Variants in PDE3B observed in about 807,000 individuals in gnomAD.
The protein encoded by PDE3B is cGMP-inhibited 3',5'-cyclic phosphodiesterase 3B.
In PDE3B, 66 loss-of-function variants were observed where a neutral mutation model predicts 116.8. The observed-to-expected ratio is 0.56, with a 90% CI of 0.46 to 0.69. PDE3B has a LOEUF of 0.69. Among genes scored for constraint, PDE3B ranks in the 30% least tolerant of loss-of-function variants. PDE3B has a pLI of 0.00. For missense variants in PDE3B, 1,384 were observed against 1,368.1 expected (o/e 1.01, Z -0.18); for synonymous variants, 595 against 533.6 (o/e 1.12, Z -1.59).
chr11:14,852,832 A>G (rs1847779848), intron 12 of PDE3B, among the ~76,000 whole-genome samples: 1 of 152,176 alleles, frequency 6.6e-6, no homozygotes, highest in Admixed American at 6.5e-5. Flanking sequence ...TGGCTGAGAC[A>G]TGAGGATTGC....
intron 1 of PDE3B, among the ~76,000 whole-genome samples, chr11:14,747,099 G>T (rs1157065688): frequency 1.3e-5 from 2 of 152,180 alleles, no homozygotes; most frequent in African/African-American, 4.8e-5. Context: ...AGGGTTGGGG[G>T]AGGTGCCATG....
chr11:14,698,992 TCTTA>T (rs1224492005), intron 1 of PDE3B: 1 of 151,936 alleles, frequency 6.6e-6, no homozygotes, highest in Non-Finnish European at 1.5e-5. Context: ...TCTTTTAAAA[TCTTA>T]CTTCCTGTCG....
intron 1 of PDE3B, among the ~76,000 whole-genome samples, chr11:14,683,675 G>C (rs375244712): frequency 6.6e-6 from 1 of 151,678 alleles, no homozygotes; most frequent in African/African-American, 2.4e-5. Flanking sequence ...CTTATTGATG[G>C]GGAGCTGATC....
intron 1 of PDE3B, among the ~76,000 whole-genome samples, chr11:14,706,171 T>G (rs926017738): frequency 1.3e-4 from 19 of 151,724 alleles, no homozygotes; most frequent in African/African-American, 4.6e-4. Flanking sequence ...TCTCTCCCTC[T>G]TCTACCTATC....
At chr11:14,687,549 T>G (rs1854912027) in intron 1 of PDE3B, among the ~76,000 whole-genome samples, 1 of 152,174 alleles carries the variant, frequency 6.6e-6, no homozygotes, top group African/African-American at 2.4e-5. Context: ...GAAATTTGAT[T>G]GGTTTTTCTG....
At chr11:14,748,493 A>G (rs1250998505) in intron 1 of PDE3B, among the ~76,000 whole-genome samples, 4 of 152,200 alleles carry the variant, frequency 2.6e-5, no homozygotes, top group African/African-American at 7.2e-5. Context: ...GTATAACAAT[A>G]TTCTTTTCAT....
chr11:14,830,636 G>A, intron 7 of PDE3B, 62 bp from the exon 8 acceptor site: 1 of 655,846 alleles, frequency 1.5e-6, no homozygotes, highest in South Asian at 3.4e-5. Context: ...TATTTTTCAT[G>A]TAAAGCTGTA....
At chr11:14,667,859 T>C (rs1323129365) in intron 1 of PDE3B, among the ~76,000 whole-genome samples, 1 of 136,706 alleles carries the variant, frequency 7.3e-6, no homozygotes. Context: ...ATAATAATAA[T>C]AAAAGAATTT....
At chr11:14,817,539 C>T (rs994935655) in intron 5 of PDE3B, among the ~76,000 whole-genome samples, 9 of 152,042 alleles carry the variant, frequency 5.9e-5, no homozygotes, top group Non-Finnish European at 1.2e-4. Flanking sequence ...GACTTGAGCC[C>T]AGGTGTTTGA....
At chr11:14,786,739 A>G (rs1470542375) in intron 3 of PDE3B, 54 bp downstream of exon 3, 2 of 1,364,550 alleles carry the variant, frequency 1.5e-6, no homozygotes, top group East Asian at 2.3e-5. Flanking sequence ...GATATTTTCA[A>G]ATTAACTGCT....
intron 1 of PDE3B, among the ~76,000 whole-genome samples, chr11:14,744,016 C>CCAGCCACTA (rs1269581426): frequency 3.9e-5 from 6 of 152,204 alleles, no homozygotes; most frequent in African/African-American, 1.2e-4. Context: ...GACCATCTTG[C>CCAGCCACTA]CAGCCACTAT....
chr11:14,685,595 A>G (rs1854850613), intron 1 of PDE3B, among the ~76,000 whole-genome samples: 2 of 151,592 alleles, frequency 1.3e-5, no homozygotes, highest in South Asian at 4.2e-4. Context: ...AGCTGGGATT[A>G]CAGACGTGCA....
In PDE3B at chr11:14,869,516, C is replaced by T. The variant is rs1555008669; in HGVS notation, c.3195C>T (p.Leu1065=). 22 of 1,613,352 alleles carry T rather than the reference C, an allele frequency of 1.4e-5. No individual in the cohort carries two copies. The highest frequency in any genetic ancestry group is 1.6e-5 in the Non-Finnish European group (19 of 1,179,836). Residue 1065 remains leucine (L), a synonymous_variant, in exon 16 of 16, where the codon CTC becomes CTT. Transcript: ENST00000282096. ...RRIFCQLMHH[L]TENHKIWKEI... ...TATTTTGTCAGCTAATGCACCACCT[C>T]ACTGAAAACCACAAGATATGGAAGG... is the stretch of plus-strand genomic sequence containing the variant.
the PDE3B span, chr11:14,878,285 CAA>C: frequency 6.2e-7 from 1 of 1,612,892 alleles, no homozygotes; most frequent in Admixed American, 1.7e-5. Context: ...TTCTCCAAGA[CAA>C]TGTCTTCTTC....
intron 12 of PDE3B, among the ~76,000 whole-genome samples, chr11:14,857,738 C>T (rs548947531): frequency 3.9e-5 from 6 of 152,106 alleles, no homozygotes; most frequent in Admixed American, 3.9e-4. Flanking sequence ...AAAAACTGAT[C>T]TTGCTATCTG....
chr11:14,809,388 A>AT (rs903810433), intron 5 of PDE3B, among the ~76,000 whole-genome samples: 1 of 152,238 alleles, frequency 6.6e-6, no homozygotes, highest in African/African-American at 2.4e-5. Context: ...ACAGTAGAAT[A>AT]TTTTTTGTCA....
chr11:14,703,025 A>G (rs887473499), intron 1 of PDE3B, among the ~76,000 whole-genome samples: 1 of 151,856 alleles, frequency 6.6e-6, no homozygotes, highest in African/African-American at 2.4e-5. Flanking sequence ...ATTTTTTTCT[A>G]GAGATCCAAA....
rs79776914 is a variant in PDE3B, at chr11:14,724,554, G to A, written c.979-47383G>A. Among the ~76,000 whole-genome samples, 878 of 152,244 alleles carry A rather than the reference G, an allele frequency of 5.8e-3. 10 individuals carry two copies. The highest frequency in any genetic ancestry group is 0.02 in the African/African-American group (849 of 41,538). On this transcript the variant is annotated intron_variant, in intron 1 of 15. Coordinates refer to ENST00000282096, the MANE Select transcript of PDE3B (RefSeq NM_000922.4). ...TTTCAGATTTTGGATATTTGGATTA[G>A]CGTTGCTCAGCCAGTGTAATGGAAT... is the stretch of plus-strand genomic sequence containing the variant.
At chr11:14,713,536 C>T (rs1323934577) in intron 1 of PDE3B, among the ~76,000 whole-genome samples, 1 of 152,092 alleles carries the variant, frequency 6.6e-6, no homozygotes, top group Non-Finnish European at 1.5e-5. Context: ...AGCTTGCTGG[C>T]CTTCAGATGG....
Sources: allele counts gnomAD v4.1 joint callset (sites outside exome capture counted in the v4.1 genomes callset), GRCh38; gene constraint gnomAD v4.1.1; transcripts MANE v1.5; gene names NCBI Gene and HGNC (gene_info 2026-07-23, HGNC 2026-07-21).